AFF3: variants seen among roughly 807,000 people sequenced by gnomAD.
The protein encoded by AFF3 is ALF transcription elongation factor 3.
AFF3 carries 32 observed loss-of-function variants against 129.7 expected under a neutral mutation model. The observed-to-expected ratio is 0.25, with a 90% CI of 0.19 to 0.33. The LOEUF is 0.33. AFF3 is among the 10% of genes least tolerant of loss of function. The pLI, the probability that AFF3 is intolerant of heterozygous loss-of-function variation, is 1.00. For synonymous variants in AFF3, 644 were observed against 635.4 expected (o/e 1.01, Z -0.20); for missense variants, 1,373 against 1,592.0 (o/e 0.86, Z 2.34).
At chr2:100,082,107 T>A (rs1303386366) in intron 4 of AFF3, among the ~76,000 whole-genome samples, 2 of 152,276 alleles carry the variant, frequency 1.3e-5, no homozygotes, top group East Asian at 3.8e-4. Flanking sequence ...CCAAATTACA[T>A]AAGCATTTCT....
At chr2:100,018,804 C>A (rs1265594672) in intron 4 of AFF3, among the ~76,000 whole-genome samples, 1 of 152,056 alleles carries the variant, frequency 6.6e-6, no homozygotes, top group African/African-American at 2.4e-5. Context: ...GAGCTCCCTT[C>A]CCGGCAGCAG....
At chr2:100,044,912 G>C (rs1385731278) in intron 4 of AFF3, among the ~76,000 whole-genome samples, 4 of 152,070 alleles carry the variant, frequency 2.6e-5, no homozygotes, top group East Asian at 1.9e-4. Flanking sequence ...TGTCCAGCAA[G>C]TCAGACCATC....
chr2:99,842,042 G>A (rs539835502), intron 7 of AFF3, among the ~76,000 whole-genome samples: 1 of 152,234 alleles, frequency 6.6e-6, no homozygotes, highest in Admixed American at 6.5e-5. Context: ...GAAGAGAGGA[G>A]AGGGGAAGTA....
intron 4 of AFF3, among the ~76,000 whole-genome samples, chr2:100,045,639 T>C (rs552839848): frequency 3.7e-4 from 56 of 151,722 alleles, no homozygotes; most frequent in African/African-American, 1.0e-3. Flanking sequence ...TCCCTCCACC[T>C]TTCCCACCTC....
chr2:100,036,351 C>G (rs183398684), intron 4 of AFF3, among the ~76,000 whole-genome samples: 13 of 152,088 alleles, frequency 8.5e-5, no homozygotes, highest in African/African-American at 4.8e-5. Context: ...TAAAACCTAA[C>G]TTCATATAAT....
At chr2:100,011,666 C>T (rs1682564391) in intron 4 of AFF3, 1 of 751,800 alleles carries the variant, frequency 1.3e-6, no homozygotes, top group Non-Finnish European at 2.5e-6. Context: ...GCATATTTTC[C>T]AGAAGCCGAG....
At chr2:99,897,643 A>T (rs1694071320) in intron 7 of AFF3, among the ~76,000 whole-genome samples, 1 of 152,182 alleles carries the variant, frequency 6.6e-6, no homozygotes, top group South Asian at 2.1e-4. Flanking sequence ...GCCCGGTTCT[A>T]ACTTCCTTCC....
At chr2:99,982,574 C>G (rs1048625295) in intron 7 of AFF3, among the ~76,000 whole-genome samples, 14 of 152,130 alleles carry the variant, frequency 9.2e-5, no homozygotes, top group African/African-American at 3.1e-4. Flanking sequence ...AGCTTAGGAG[C>G]TTAGGCAACC....
At chr2:100,036,155 AAAAAAC>A in intron 4 of AFF3, among the ~76,000 whole-genome samples, 2 of 150,668 alleles carry the variant, frequency 1.3e-5, no homozygotes, top group Non-Finnish European at 1.5e-5. Context: ...AAAAAAAAAA[AAAAAAC>A]AACTTTCTCA....
chr2:99,635,124 AG>A (rs1683517737), intron 13 of AFF3, among the ~76,000 whole-genome samples: 1 of 150,984 alleles, frequency 6.6e-6, no homozygotes, highest in Non-Finnish European at 1.5e-5. Context: ...ACATATCTCT[AG>A]GTATATGATA....
At chr2:99,741,193 A>G (rs1268104936) in intron 10 of AFF3, among the ~76,000 whole-genome samples, 1 of 152,166 alleles carries the variant, frequency 6.6e-6, no homozygotes, top group Non-Finnish European at 1.5e-5. Context: ...ACTCCTATTC[A>G]ACATAGTGTT....
chr2:99,804,117 TAGCAAA>T, intron 8 of AFF3, among the ~76,000 whole-genome samples: 1 of 152,218 alleles, frequency 6.6e-6, no homozygotes, highest in South Asian at 2.1e-4. Flanking sequence ...AGCTTCTGCA[TAGCAAA>T]AGAAATAATC....
intron 13 of AFF3, among the ~76,000 whole-genome samples, chr2:99,643,338 A>G (rs550087369): frequency 2.4e-4 from 36 of 152,228 alleles, no homozygotes; most frequent in African/African-American, 5.3e-4. Context: ...GATTACAGGC[A>G]TGAGCTACCG....
At chr2:99,889,608 T>A (rs2106070029) in intron 7 of AFF3, among the ~76,000 whole-genome samples, 1 of 152,258 alleles carries the variant, frequency 6.6e-6, no homozygotes, top group South Asian at 2.1e-4. Flanking sequence ...ATTATGGGTT[T>A]GAAATTAAGT....
chr2:99,557,862 T>C (rs1029530731), intron 22 of AFF3, among the ~76,000 whole-genome samples: 2 of 152,180 alleles, frequency 1.3e-5, no homozygotes, highest in Non-Finnish European at 2.9e-5. Flanking sequence ...TCTCAAATGA[T>C]GGTTGTGTAT....
chr2:99,957,517 T>C (rs970640031), intron 7 of AFF3, among the ~76,000 whole-genome samples: 2 of 152,164 alleles, frequency 1.3e-5, no homozygotes, highest in Non-Finnish European at 2.9e-5. Flanking sequence ...AGAATCAAAA[T>C]GACACGGTGC....
intron 18 of AFF3, among the ~76,000 whole-genome samples, chr2:99,573,393 A>T (rs1455960224): frequency 6.6e-6 from 1 of 152,148 alleles, no homozygotes; most frequent in Non-Finnish European, 1.5e-5. Flanking sequence ...CTTAATGATT[A>T]ATCAGGAAAA....
chr2:99,675,324 TACA>T (rs1416253234), intron 11 of AFF3, among the ~76,000 whole-genome samples: 3 of 152,144 alleles, frequency 2.0e-5, no homozygotes, highest in Non-Finnish European at 4.4e-5. Context: ...ACACAGCTTA[TACA>T]ACATTCCCGG....
chr2:99,840,092 C>A (rs146330426), intron 7 of AFF3, among the ~76,000 whole-genome samples: 3 of 152,138 alleles, frequency 2.0e-5, no homozygotes, highest in African/African-American at 7.2e-5. Context: ...ATATGATTTA[C>A]AAATATTTTG....
Sources: allele counts gnomAD v4.1 joint callset (sites outside exome capture counted in the v4.1 genomes callset), GRCh38; gene constraint gnomAD v4.1.1; transcripts MANE v1.5; gene names NCBI Gene and HGNC (gene_info 2026-07-23, HGNC 2026-07-21).